GLRA2: variants seen among roughly 807,000 people sequenced by gnomAD.
The protein encoded by GLRA2 is glycine receptor alpha 2.
GLRA2 carries 11 observed loss-of-function variants against 31.6 expected under a neutral mutation model. The observed-to-expected ratio is 0.35, with a 90% CI of 0.22 to 0.58. The LOEUF (loss-of-function observed/expected upper bound fraction) is 0.58. Among genes scored for constraint, GLRA2 ranks in the 20% least tolerant of loss-of-function variants. The pLI, the probability that GLRA2 is intolerant of heterozygous loss-of-function variation, is 0.84. For missense variants in GLRA2, 212 were observed against 351.8 expected, an observed-to-expected ratio of 0.60 and a Z score of 3.18; for synonymous variants, 132 against 134.0, an observed-to-expected ratio of 0.99 and a Z score of 0.10.
At chrX:14,641,300 T>C (rs913779976) in intron 7 of GLRA2, among the ~76,000 whole-genome samples, 2 of 111,816 alleles carry the variant, frequency 1.8e-5, no homozygotes, top group African/African-American at 6.5e-5. Context: ...AACAGTCTAA[T>C]TAAGTTTTTC....
the GLRA2 span, among the ~76,000 whole-genome samples, chrX:14,513,836 C>T: frequency 8.9e-6 from 1 of 111,873 alleles, no homozygotes; most frequent in Admixed American, 9.5e-5. Context: ...ACTGATACAA[C>T]CACTATGGAA....
intron 4 of GLRA2, among the ~76,000 whole-genome samples, chrX:14,600,517 AT>A (rs916648017): frequency 2.2e-4 from 24 of 111,116 alleles, no homozygotes; most frequent in African/African-American, 4.9e-4. Context: ...TATAATGAAC[AT>A]TTTTTTAATT....
chrX:14,459,548 T>C, the GLRA2 span, among the ~76,000 whole-genome samples: 1 of 110,983 alleles, frequency 9.0e-6, no homozygotes, highest in Non-Finnish European at 1.9e-5. Context: ...TTTTATTTCA[T>C]TGAGCAGTGG....
At chrX:14,710,098 C>T (rs1392860854) in intron 8 of GLRA2, among the ~76,000 whole-genome samples, 2 of 111,684 alleles carry the variant, frequency 1.8e-5, no homozygotes, top group Admixed American at 9.5e-5. Flanking sequence ...CACACCTGGG[C>T]GATTTCATCA....
At chrX:14,707,757 G>GGTGTGTGTGT (rs374444365) in intron 8 of GLRA2, among the ~76,000 whole-genome samples, 5,584 of 106,129 alleles carry the variant, frequency 0.053, 186 homozygotes, top group Admixed American at 0.11. Flanking sequence ...CAGCAAAAAA[G>GGTGTGTGTGT]GTGTGTGTGT....
intron 3 of GLRA2, among the ~76,000 whole-genome samples, chrX:14,578,973 A>G (rs1234440114): frequency 4.5e-5 from 5 of 112,136 alleles, no homozygotes; most frequent in African/African-American, 1.6e-4. Context: ...TAGGAGGGTG[A>G]ACTCAAAGTG....
rs1454516716 is a variant in GLRA2, at chrX:14,650,342, T to C, written c.931-40368T>C. Among the ~76,000 whole-genome samples the C allele has an allele frequency of 2.1e-4, 23 of 110,362 alleles. No individual in the cohort carries two copies. In the Admixed American group the frequency reaches 2.2e-3, roughly 11 times the overall value. ...TAAGAAAACGATCAATTTTTCTTCA[T>C]GGTGTGCAAATTAAGTTCTGTTCAG... On this transcript the variant is annotated intron_variant, in intron 7 of 8. Coordinates refer to ENST00000218075, the MANE Select transcript of GLRA2 (RefSeq NM_002063.4).
At chrX:14,683,392 G>A (rs188462592) in intron 7 of GLRA2, among the ~76,000 whole-genome samples, 1 of 111,602 alleles carries the variant, frequency 9.0e-6, no homozygotes, top group East Asian at 2.8e-4. Flanking sequence ...ATTTGTTGAT[G>A]GGGTTGTTTT....
the GLRA2 span, among the ~76,000 whole-genome samples, chrX:14,477,114 G>A: frequency 9.0e-6 from 1 of 111,302 alleles, no homozygotes; most frequent in East Asian, 2.8e-4. Flanking sequence ...GCTTCCCAGG[G>A]AAAGATAATT....
At chrX:14,673,416 C>T (rs752267427) in intron 7 of GLRA2, among the ~76,000 whole-genome samples, 103 of 111,954 alleles carry the variant, frequency 9.2e-4, no homozygotes, top group African/African-American at 2.9e-3. Flanking sequence ...GAGATGATGA[C>T]GCATCTGCAC....
chrX:14,690,814 C>T lies in GLRA2; in HGVS notation c.1035C>T (p.His345=). 1 of 1,206,469 alleles carries T rather than the reference C, an allele frequency of 8.3e-7. No homozygotes were observed. The highest frequency in any genetic ancestry group is 1.1e-6 in the Non-Finnish European group (1 of 890,899). ...CGGTGAACTTCGTCTCCAGGCAACA[C>T]AAGGAGTTCCTGCGCCTCCGAAGAA... ...YAAVNFVSRQ[H]KEFLRLRRRQ... is the part of the protein sequence containing the mutation. Residue 345 remains histidine, a synonymous_variant, in exon 8 of 9, where the codon CAC becomes CAT. Transcript: ENST00000218075.
intron 1 of GLRA2, chrX:14,530,865 T>C: frequency 2.0e-6 from 1 of 495,800 alleles, no homozygotes; most frequent in Non-Finnish European, 2.6e-6. Context: ...GAAATAGTCA[T>C]CTAATAACAG....
At chrX:14,634,228 C>T (rs1309703563) in intron 7 of GLRA2, among the ~76,000 whole-genome samples, 1 of 111,929 alleles carries the variant, frequency 8.9e-6, no homozygotes, top group Non-Finnish European at 1.9e-5. Context: ...GGATTACAGG[C>T]GTGAGCCACC....
At chrX:14,651,813 T>G (rs750367635) in intron 7 of GLRA2, among the ~76,000 whole-genome samples, 31 of 111,945 alleles carry the variant, frequency 2.8e-4, no homozygotes, top group Non-Finnish European at 1.9e-4. Flanking sequence ...ATCAGATCTA[T>G]TATGAAATAA....
intron 7 of GLRA2, among the ~76,000 whole-genome samples, chrX:14,620,714 A>C (rs192039611): frequency 2.6e-4 from 29 of 111,480 alleles, no homozygotes; most frequent in African/African-American, 9.4e-4. Flanking sequence ...TGGAATATCA[A>C]ATATATTCCA....
chrX:14,476,050 G>A, the GLRA2 span, among the ~76,000 whole-genome samples: 5 of 111,150 alleles, frequency 4.5e-5, no homozygotes, highest in Non-Finnish European at 9.4e-5. Context: ...TCTGAGACCC[G>A]CCCCTAGAGT....
Position 14,730,213 on chromosome X carries a change from G to T in GLRA2, c.1087G>T (p.Asp363Tyr). The T allele has an allele frequency of 8.3e-7, 1 of 1,199,345 alleles. No individual in the cohort carries two copies. The highest frequency in any genetic ancestry group is 1.1e-6 in the Non-Finnish European group (1 of 884,576). Reference protein sequence around the residue: ...RRQKRQNKEEDVTRESRFNFS... With the variant: ...RRQKRQNKEEYVTRESRFNFS... The stretch of plus-strand genomic sequence containing the variant: ...TCTGTCTTTATTCCGTCAGGAAGAA[G>T]ACGTTACTCGTGAAAGTCGTTTTAA... The change falls in exon 9 of 9, where the codon GAC becomes TAC. Residue 363 changes from aspartate to tyrosine, a missense_variant. Asp to Tyr is a radical substitution (Grantham distance 160). Coordinates refer to ENST00000218075, the MANE Select transcript of GLRA2 (RefSeq NM_002063.4).
chrX:14,520,569 C>G, the GLRA2 span, among the ~76,000 whole-genome samples: 1 of 112,222 alleles, frequency 8.9e-6, no homozygotes, highest in African/African-American at 3.2e-5. Flanking sequence ...ATAAGCAGAA[C>G]TCCAGTCCTA....
chrX:14,529,051 G>A (rs2089217942), upstream of GLRA2, among the ~76,000 whole-genome samples: 2 of 111,219 alleles, frequency 1.8e-5, no homozygotes, highest in Non-Finnish European at 3.8e-5. Flanking sequence ...TCTTCTGCAC[G>A]CGGGCTTCTC....
Sources: allele counts gnomAD v4.1 joint callset (sites outside exome capture counted in the v4.1 genomes callset), GRCh38; gene constraint gnomAD v4.1.1; transcripts MANE v1.5; gene names NCBI Gene and HGNC (gene_info 2026-07-23, HGNC 2026-07-21).